PCDHA7: variants seen among roughly 807,000 people sequenced by gnomAD.
PCDHA7 encodes protocadherin alpha 7, also known as protocadherin alpha-7.
PCDHA7 carries 37 observed loss-of-function variants against 57.2 expected under a neutral mutation model. The observed-to-expected ratio is 0.65, with a 90% CI of 0.50 to 0.85. The LOEUF (loss-of-function observed/expected upper bound fraction) is 0.85, where lower values mean the gene tolerates loss of function less well. PCDHA7 is among the 40% of genes least tolerant of loss of function. The pLI is 0.00. For synonymous variants in PCDHA7, 553 were observed against 558.8 expected, an observed-to-expected ratio of 0.99 and a Z score of 0.15; for missense variants, 1,188 against 1,241.8, an observed-to-expected ratio of 0.96 and a Z score of 0.65.
chr5:140,928,998 CGT>C, intron 1 of PCDHA7: 1 of 1,613,902 alleles, frequency 6.2e-7, no homozygotes. Flanking sequence ...TACTTTTCTT[CGT>C]GTGTACCAAG....
chr5:140,852,048 G>T, intron 1 of PCDHA7: 1 of 917,014 alleles, frequency 1.1e-6, no homozygotes, highest in Non-Finnish European at 1.3e-6. Flanking sequence ...TTGTTATGTG[G>T]TTTATATTTT....
intron 1 of PCDHA7, among the ~76,000 whole-genome samples, chr5:140,895,873 G>A (rs112324080): frequency 0.13 from 19,058 of 152,088 alleles, 1,272 homozygotes; most frequent in Middle Eastern, 0.19. Context: ...GTGCAATGGC[G>A]CGATCTCGGC....
intron 1 of PCDHA7, chr5:140,871,159 GC>G (rs1562658226): frequency 6.2e-7 from 1 of 1,613,450 alleles, no homozygotes; most frequent in Non-Finnish European, 8.5e-7. Flanking sequence ...GGCGGGCGCC[GC>G]GAGCCCAGAG....
intron 1 of PCDHA7, among the ~76,000 whole-genome samples, chr5:140,904,904 C>T (rs1463349424): frequency 6.6e-6 from 1 of 151,948 alleles, no homozygotes; most frequent in East Asian, 1.9e-4. Context: ...GTTTTTCTTA[C>T]TGATTTGTTT....
chr5:140,842,420 A>G, intron 1 of PCDHA7: 2 of 1,613,364 alleles, frequency 1.2e-6, no homozygotes, highest in Non-Finnish European at 1.7e-6. Context: ...TCAATTTGGT[A>G]CTGTCATCGC....
At chr5:140,869,861 AAAATGCTGCT>A in intron 1 of PCDHA7, 1 of 1,610,746 alleles carries the variant, frequency 6.2e-7, no homozygotes, top group Admixed American at 1.7e-5. Flanking sequence ...AGCCTTATGG[AAAATGCTGCT>A]AAAGAAACTC....
At chr5:140,992,949 T>G (rs1554253294) in intron 3 of PCDHA7, among the ~76,000 whole-genome samples, 1 of 152,162 alleles carries the variant, frequency 6.6e-6, no homozygotes, top group Admixed American at 6.5e-5. Context: ...GGAGATTAAA[T>G]CACCCCTTAT....
In PCDHA7 at chr5:140,836,475, G is replaced by T; in HGVS notation, c.2092G>T (p.Val698Leu). The T allele has an allele frequency of 6.2e-7, 1 of 1,613,846 alleles. No individual in the cohort carries two copies. Among genetic ancestry groups the T allele is most frequent in the Non-Finnish European group, 8.5e-7 (1 of 1,179,870 alleles). Residue 698 changes from valine to leucine, a missense_variant, in exon 1 of 4, where the codon GTG becomes TTG. Transcript: ENST00000525929. ...GPETELVDVNVYLIIAICAVS... is the reference protein window; with the variant it reads ...GPETELVDVNLYLIIAICAVS... Reference sequence around the variant, plus strand: ...AGAGACCGAGCTGGTGGATGTCAACGTGTACCTGATCATCGCCATCTGCGC... The same window carrying T: ...AGAGACCGAGCTGGTGGATGTCAACTTGTACCTGATCATCGCCATCTGCGC...
chr5:140,931,914 A>G (rs1374173998), intron 1 of PCDHA7, among the ~76,000 whole-genome samples: 2 of 151,960 alleles, frequency 1.3e-5, no homozygotes, highest in Non-Finnish European at 2.9e-5. Context: ...AAAGCATGAC[A>G]TTTAACAATG....
chr5:140,958,077 A>G (rs2095408004), intron 1 of PCDHA7, among the ~76,000 whole-genome samples: 2 of 152,124 alleles, frequency 1.3e-5, no homozygotes, highest in South Asian at 4.1e-4. Flanking sequence ...AGAAGCAAAA[A>G]GTAAAGTTGT....
In PCDHA7 at chr5:140,855,439, C is replaced by A. The variant is rs190954774; in HGVS notation, c.2355+18701C>A. On this transcript the variant is annotated intron_variant, in intron 1 of 3. Coordinates refer to ENST00000525929, the MANE Select transcript of PCDHA7 (RefSeq NM_018910.3). ...CTCTAAATTCTAGTGATGACTAGAT[C>A]TTCGGAGTTATAAACACCTCACAGA... Among the ~76,000 whole-genome samples the A allele has an allele frequency of 4.7e-5, 7 of 149,934 alleles. 1 individual carries two copies. The Admixed American group carries it at 4.7e-4, about 10-fold the overall frequency.
intron 1 of PCDHA7, among the ~76,000 whole-genome samples, chr5:140,915,967 A>G (rs1188377648): frequency 1.3e-5 from 2 of 152,078 alleles, no homozygotes; most frequent in Non-Finnish European, 2.9e-5. Flanking sequence ...TTTGCCTGAT[A>G]TTTTATTTGA....
chr5:140,967,548 C>G (rs782750678), intron 1 of PCDHA7: 1 of 1,613,922 alleles, frequency 6.2e-7, no homozygotes, highest in Admixed American at 1.7e-5. Flanking sequence ...GACCAGTCCA[C>G]TTATCGCGTC....
rs1344020761 is a variant in PCDHA7, at chr5:140,834,978, CTT to C, written c.598_599del (p.Leu200ArgfsTer37). On this transcript the variant is annotated frameshift_variant, in exon 1 of 4. Transcript: ENST00000525929. LOFTEE classifies it high-confidence loss of function. ...VKPLGLVLRKLLDREETPELH... is the reference protein window; with the variant it reads ...VKPLGLVLRKXLDREETPELH... ...ACCTCTTGGACTTGTATTACGGAAACTTTTAGACAGAGAAGAAACTCCGGAGC... is the reference window on the plus strand; with the variant it reads ...ACCTCTTGGACTTGTATTACGGAAACTTAGACAGAGAAGAAACTCCGGAGC... 1 of 1,479,296 alleles carries C rather than the reference CTT, an allele frequency of 6.8e-7. No individual in the cohort carries two copies. The highest frequency in any genetic ancestry group is 9.1e-7 in the Non-Finnish European group (1 of 1,095,982). 91.6% of individuals were successfully genotyped at this position (1,479,296 alleles called of 1,614,324 possible).
chr5:140,977,433 A>G (rs939711301), intron 1 of PCDHA7, among the ~76,000 whole-genome samples: 6 of 152,218 alleles, frequency 3.9e-5, no homozygotes, highest in Non-Finnish European at 7.3e-5. Flanking sequence ...TAACACCGCT[A>G]GTAGATAATG....
intron 1 of PCDHA7, among the ~76,000 whole-genome samples, chr5:140,957,462 T>C (rs574379806): frequency 8.3e-4 from 126 of 152,308 alleles, no homozygotes; most frequent in African/African-American, 2.9e-3. Context: ...ATCATAGGTA[T>C]GTATGTATAG....
chr5:140,842,746 C>G (rs2150343486), intron 1 of PCDHA7: 2 of 1,595,086 alleles, frequency 1.3e-6, no homozygotes, highest in Non-Finnish European at 1.7e-6. Context: ...GCCACATCTT[C>G]ACGGTGTCTG....
chr5:140,910,528 T>A (rs2153515102), intron 1 of PCDHA7, among the ~76,000 whole-genome samples: 1 of 152,314 alleles, frequency 6.6e-6, no homozygotes, highest in African/African-American at 2.4e-5. Flanking sequence ...GGTACTCCCC[T>A]CACAAATCTA....
chr5:140,865,077 A>G (rs2048727264), intron 1 of PCDHA7: 1 of 152,246 alleles, frequency 6.6e-6, no homozygotes, highest in Non-Finnish European at 1.5e-5. Flanking sequence ...TATAAGAACC[A>G]TGGGATATTA....
Sources: gnomAD v4.1 joint callset for allele counts (sites outside exome capture counted in the v4.1 genomes callset) on GRCh38, gnomAD v4.1.1 for gene constraint, MANE v1.5 for transcripts, NCBI Gene and HGNC (gene_info 2026-07-23, HGNC 2026-07-21) for gene names.